CDH18: variants seen among roughly 807,000 people sequenced by gnomAD.
CDH18 encodes the protein cadherin-18.
In CDH18, 31 loss-of-function variants were observed where a neutral mutation model predicts 67.9. That is an observed-to-expected ratio of 0.46 (90% CI 0.34 to 0.62). The LOEUF (loss-of-function observed/expected upper bound fraction) is 0.62, where lower values mean the gene tolerates loss of function less well. Among genes scored for constraint, CDH18 ranks in the 20% least tolerant of loss-of-function variants. The pLI, the probability that CDH18 is intolerant of heterozygous loss-of-function variation, is 0.01. For missense variants in CDH18, 890 were observed against 975.5 expected (o/e 0.91, Z 1.17); for synonymous variants, 362 against 347.2 (o/e 1.04, Z -0.48).
intron 1 of CDH18, among the ~76,000 whole-genome samples, chr5:20,452,296 T>A (rs1413366613): frequency 6.6e-6 from 1 of 152,166 alleles, no homozygotes; most frequent in East Asian, 1.9e-4. Flanking sequence ...TATCTTGGAA[T>A]ACTCACTTCT....
upstream of CDH18, among the ~76,000 whole-genome samples, chr5:19,990,782 AAAGAAGAAG>A (rs368901759): frequency 2.7e-4 from 40 of 147,562 alleles, no homozygotes; most frequent in African/African-American, 1.0e-3. Flanking sequence ...ACACAAAAGA[AAAGAAGAAG>A]AAGAAGAAGA....
At chr5:20,200,326 G>C (rs972532095) in intron 2 of CDH18, among the ~76,000 whole-genome samples, 2 of 151,910 alleles carry the variant, frequency 1.3e-5, no homozygotes, top group Admixed American at 1.3e-4. Context: ...CAAACTATGT[G>C]AGTTTCAAAA....
chr5:20,488,861 T>C (rs1285262591), intron 1 of CDH18, among the ~76,000 whole-genome samples: 1 of 151,974 alleles, frequency 6.6e-6, no homozygotes, highest in African/African-American at 2.4e-5. Flanking sequence ...GTGCCAACTA[T>C]ATGCCAAAAT....
chr5:19,747,203 C>A lies in CDH18; in HGVS notation c.262G>T (p.Val88Phe). 5 of 1,613,938 alleles carry A rather than the reference C, an allele frequency of 3.1e-6. No individual in the cohort carries two copies. The highest frequency in any genetic ancestry group is 4.2e-6 in the Non-Finnish European group (5 of 1,179,836). Residue 88 changes from valine (V) to phenylalanine (F), a missense_variant, in exon 4 of 13, where the codon GTC (valine) becomes TTC (phenylalanine). Coordinates refer to ENST00000382275, the MANE Select transcript of CDH18 (RefSeq NM_004934.5). ...HSNSDKGDGS[V>F]KYILTGEGAG... Reference sequence around the variant, plus strand: ...CCCTCTCCAGTAAGGATGTACTTGACAGATCCATCACCTTTGTCAGAATTG... The same window carrying A: ...CCCTCTCCAGTAAGGATGTACTTGAAAGATCCATCACCTTTGTCAGAATTG...
intron 3 of CDH18, among the ~76,000 whole-genome samples, chr5:19,827,865 C>A (rs1334293968): frequency 1.3e-5 from 2 of 151,896 alleles, no homozygotes; most frequent in South Asian, 2.1e-4. Flanking sequence ...AAGAAATAAC[C>A]AAAAACAGAA....
chr5:19,838,725 G>T (rs1392330886), intron 3 of CDH18, 34 bp downstream of exon 3: 1 of 1,450,678 alleles, frequency 6.9e-7, no homozygotes, highest in Non-Finnish European at 9.7e-7. Context: ...AATTTCTCAG[G>T]ATAGAAAAAA....
chr5:20,278,590 A>T (rs1745987081), intron 1 of CDH18, among the ~76,000 whole-genome samples: 1 of 152,198 alleles, frequency 6.6e-6, no homozygotes, highest in African/African-American at 2.4e-5. Flanking sequence ...GATAGCAAGT[A>T]CATAGAGGAA....
intron 1 of CDH18, among the ~76,000 whole-genome samples, chr5:20,551,224 T>C (rs1757615980): frequency 6.6e-6 from 1 of 152,162 alleles, no homozygotes; most frequent in African/African-American, 2.4e-5. Flanking sequence ...TTTTTTCTCC[T>C]TATCCTTTAA....
intron 1 of CDH18, among the ~76,000 whole-genome samples, chr5:20,575,122 C>T (rs1314767110): frequency 6.6e-6 from 1 of 151,942 alleles, no homozygotes; most frequent in Non-Finnish European, 1.5e-5. Context: ...CAGCTAAAAA[C>T]AATATTTATG....
At chr5:20,429,346 T>C (rs796770455) in intron 1 of CDH18, among the ~76,000 whole-genome samples, 1 of 152,146 alleles carries the variant, frequency 6.6e-6, no homozygotes, top group South Asian at 2.1e-4. Flanking sequence ...AAGAGGAGAA[T>C]AACACCATTC....
chr5:20,265,290 T>C (rs978430399), intron 1 of CDH18, among the ~76,000 whole-genome samples: 6 of 152,232 alleles, frequency 3.9e-5, no homozygotes, highest in African/African-American at 1.2e-4. Flanking sequence ...ACAAAAATAT[T>C]CCTAAAAGTC....
intron 2 of CDH18, among the ~76,000 whole-genome samples, chr5:19,856,000 G>GGGAAT (rs1784240998): frequency 6.6e-6 from 1 of 152,168 alleles, no homozygotes; most frequent in South Asian, 2.1e-4. Context: ...TTAAAGCCAA[G>GGGAAT]GGAATGCTCA....
At chr5:20,250,942 C>T (rs968434773) in intron 2 of CDH18, among the ~76,000 whole-genome samples, 1 of 152,050 alleles carries the variant, frequency 6.6e-6, no homozygotes, top group East Asian at 1.9e-4. Flanking sequence ...AGTAAGTGAA[C>T]AGTGTCATCA....
At chr5:19,505,643 C>A (rs1428738987) in intron 10 of CDH18, among the ~76,000 whole-genome samples, 1 of 152,084 alleles carries the variant, frequency 6.6e-6, no homozygotes, top group African/African-American at 2.4e-5. Flanking sequence ...TATGTTGAAC[C>A]AGCCTTGCAT....
At chr5:20,455,487 G>A (rs10805723) in intron 1 of CDH18, among the ~76,000 whole-genome samples, 1 of 151,846 alleles carries the variant, frequency 6.6e-6, no homozygotes, top group Admixed American at 6.6e-5. Flanking sequence ...AATATTTAGA[G>A]AGCAACACAC....
intron 3 of CDH18, among the ~76,000 whole-genome samples, chr5:19,758,807 C>T (rs1304973733): frequency 6.6e-6 from 1 of 152,200 alleles, no homozygotes; most frequent in African/African-American, 2.4e-5. Flanking sequence ...ATTTATTCCC[C>T]ATCCTCTGGC....
In CDH18 at chr5:19,814,847, T is replaced by TACAC. The variant is rs200095987; in HGVS notation, c.228+23908_228+23911dup. The stretch of plus-strand genomic sequence containing the variant: ...GTCACCTCTGGTTTAGCAAAATTGT[T>TACAC]ACACACACACACACACACACACACA... On this transcript the variant is annotated intron_variant, in intron 3 of 12. Transcript: ENST00000382275. Among the ~76,000 whole-genome samples, 476 of 127,790 alleles carry TACAC rather than the reference T, an allele frequency of 3.7e-3. 3 individuals carry two copies. The highest frequency in any genetic ancestry group is 0.011 in the African/African-American group (421 of 37,926). The allele number at this position is 127,790 out of a possible 152,430, so 83.8% of individuals were successfully genotyped here.
intron 2 of CDH18, among the ~76,000 whole-genome samples, chr5:20,238,848 G>T (rs574829328): frequency 7.9e-5 from 12 of 151,970 alleles, no homozygotes; most frequent in Non-Finnish European, 1.6e-4. Context: ...ACATATAAAG[G>T]CTATGAATAT....
intron 1 of CDH18, among the ~76,000 whole-genome samples, chr5:20,392,593 G>T (rs557366766): frequency 8.1e-4 from 123 of 151,836 alleles, no homozygotes; most frequent in Non-Finnish European, 1.6e-3. Flanking sequence ...CTGCAAACTT[G>T]AAAAATTATG....
Sources: allele counts gnomAD v4.1 joint callset (sites outside exome capture counted in the v4.1 genomes callset), GRCh38; gene constraint gnomAD v4.1.1; transcripts MANE v1.5; gene names NCBI Gene and HGNC (gene_info 2026-07-23, HGNC 2026-07-21).